NMNAT1: variants seen among roughly 807,000 people sequenced by gnomAD.
NMNAT1 encodes the protein nicotinamide/nicotinic acid mononucleotide adenylyltransferase 1.
In NMNAT1, 11 loss-of-function variants were observed where a neutral mutation model predicts 16.7. The ratio of observed to expected loss-of-function variants is 0.66; its 90% CI spans 0.41 to 1.09. The LOEUF is 1.09. NMNAT1 is among the 50% of genes least tolerant of loss of function. The pLI is 0.00. For synonymous variants in NMNAT1, 110 were observed against 119.8 expected (o/e 0.92, Z 0.53); for missense variants, 280 against 332.3 (o/e 0.84, Z 1.22).
chr1:9,977,649 C>T (rs1641844826), intron 3 of NMNAT1, among the ~76,000 whole-genome samples: 1 of 151,922 alleles, frequency 6.6e-6, no homozygotes, highest in Non-Finnish European at 1.5e-5. Flanking sequence ...GGCAGATCAC[C>T]TGAGTCCAGT....
intron 3 of NMNAT1, among the ~76,000 whole-genome samples, chr1:9,976,681 G>A (rs180764738): frequency 3.4e-4 from 51 of 152,030 alleles, no homozygotes; most frequent in Middle Eastern, 3.4e-3. Flanking sequence ...CTGGAGTGCA[G>A]TGGTGCATTC....
chr1:9,944,420 A>G (rs992831534), intron 1 of NMNAT1, among the ~76,000 whole-genome samples: 1 of 152,188 alleles, frequency 6.6e-6, no homozygotes, highest in Non-Finnish European at 1.5e-5. Context: ...AACTGGTTGG[A>G]ACTATTTAAT....
chr1:9,979,350 C>T (rs1267758014), intron 3 of NMNAT1, among the ~76,000 whole-genome samples: 2 of 152,026 alleles, frequency 1.3e-5, no homozygotes, highest in African/African-American at 4.8e-5. Context: ...CCTGTAGTCG[C>T]AGCTATCTGG....
intron 1 of NMNAT1, among the ~76,000 whole-genome samples, chr1:9,967,203 G>A (rs1338204459): frequency 6.6e-6 from 1 of 151,814 alleles, no homozygotes; most frequent in Non-Finnish European, 1.5e-5. Context: ...CAGCCTGGGT[G>A]ACAGAGTGAA....
downstream of NMNAT1, among the ~76,000 whole-genome samples, chr1:9,987,575 G>A (rs1322328125): frequency 1.3e-5 from 2 of 152,096 alleles, no homozygotes; most frequent in Non-Finnish European, 1.5e-5. Context: ...AGGAGGCAGA[G>A]CTTTCAGTGA....
At chr1:9,948,912 G>T (rs1194007473) in intron 1 of NMNAT1, among the ~76,000 whole-genome samples, 1 of 150,508 alleles carries the variant, frequency 6.6e-6, no homozygotes, top group Non-Finnish European at 1.5e-5. Context: ...CTCCCAAAAT[G>T]CTGGGATTAC....
rs764538949 is a variant in NMNAT1, at chr1:9,975,673, G to A, written c.197G>A (p.Arg66Gln). ...AAAGGACTCATTCCTGCCTATCACC[G>A]GGTCATCATGGCAGAACTTGCTACC... The part of the protein sequence containing the change: ...KKKGLIPAYH[R>Q]VIMAELATKN... The change falls in exon 3 of 5, where the codon CGG (arginine) becomes CAG (glutamine). Residue 66 changes from arginine (R) to glutamine (Q), a missense_variant. Physicochemically the swap from Arg to Gln is conservative, Grantham distance 43 (BLOSUM62 1). Transcript: ENST00000377205. 7 of 1,613,954 alleles carry A rather than the reference G, an allele frequency of 4.3e-6. No homozygotes were observed. The highest frequency in any genetic ancestry group is 2.2e-5 in the East Asian group (1 of 44,876).
At chr1:9,972,714 T>G (rs1641717188) in intron 2 of NMNAT1, among the ~76,000 whole-genome samples, 1 of 152,058 alleles carries the variant, frequency 6.6e-6, no homozygotes, top group South Asian at 2.1e-4. Context: ...TCCCAGTGCT[T>G]TGGGAGGCCG....
At chr1:9,970,933 C>T (rs1404197311) in intron 1 of NMNAT1, among the ~76,000 whole-genome samples, 1 of 152,100 alleles carries the variant, frequency 6.6e-6, no homozygotes, top group Non-Finnish European at 1.5e-5. Context: ...AATCACAAAA[C>T]TTGAGTGACA....
intron 1 of NMNAT1, among the ~76,000 whole-genome samples, chr1:9,962,913 C>T (rs565311133): frequency 2.6e-4 from 40 of 152,168 alleles, no homozygotes; most frequent in Non-Finnish European, 3.5e-4. Context: ...GATCTCCTGA[C>T]CTCGTGATCC....
intron 1 of NMNAT1, among the ~76,000 whole-genome samples, chr1:9,960,483 G>A (rs1313020008): frequency 3.3e-5 from 5 of 151,868 alleles, no homozygotes; most frequent in Admixed American, 1.3e-4. Flanking sequence ...GCAACACAGC[G>A]AGACCCCATC....
chr1:9,981,419 T>G, intron 4 of NMNAT1: 2 of 393,220 alleles, frequency 5.1e-6, no homozygotes, highest in South Asian at 2.6e-5. Flanking sequence ...GTATTTTTAG[T>G]AGAGACGGGG....
intron 1 of NMNAT1, among the ~76,000 whole-genome samples, chr1:9,954,929 CAA>C (rs70998330): frequency 1.6e-3 from 228 of 138,252 alleles, no homozygotes; most frequent in Non-Finnish European, 1.7e-3. Flanking sequence ...GACTCCATCT[CAA>C]AAAAAAAAAA....
At chr1:9,980,188 T>C (rs1641909889) in intron 3 of NMNAT1, among the ~76,000 whole-genome samples, 1 of 151,926 alleles carries the variant, frequency 6.6e-6, no homozygotes, top group South Asian at 2.1e-4. Context: ...CGCCTTGGCC[T>C]CCCAAAGTGC....
In NMNAT1 at chr1:9,982,777, A is replaced by G; in HGVS notation, c.*76A>G. The G allele has an allele frequency of 2.8e-6, 4 of 1,437,320 alleles. No individual in the cohort carries two copies. Among genetic ancestry groups the G allele is most frequent in the Non-Finnish European group, 3.8e-6 (4 of 1,064,864 alleles). 89.0% of individuals were successfully genotyped at this position (1,437,320 alleles called of 1,614,324 possible). ...TCTGGGAGTTAATAACTGGGGAAAG[A>G]AGTTGTGATCTGTTGCCTAAACTAA... On this transcript the variant is annotated 3_prime_UTR_variant, in exon 5 of 5. Transcript: ENST00000377205.
intron 2 of NMNAT1, among the ~76,000 whole-genome samples, chr1:9,974,239 A>AT (rs929714518): frequency 1.3e-5 from 2 of 150,906 alleles, no homozygotes; most frequent in African/African-American, 4.9e-5. Flanking sequence ...TTTTGTGGAA[A>AT]TGGTTCTCAC....
In NMNAT1 at chr1:9,975,785, G is replaced by C; in HGVS notation, c.299+10G>C. The C allele has an allele frequency of 1.9e-6, 3 of 1,601,474 alleles. No homozygotes were observed. The highest frequency in any genetic ancestry group is 2.6e-6 in the Non-Finnish European group (3 of 1,173,270). On this transcript the variant is annotated intron_variant, in intron 3 of 4. Transcript: ENST00000377205. ...CTCTGAAGGTGCTAAGGTATTTATG[G>C]TGTAATCAACTTTGTCAGTTCTGTG...
At chr1:9,990,187 G>A (rs547168573), downstream of NMNAT1, among the ~76,000 whole-genome samples, 1 of 152,320 alleles carries the variant, frequency 6.6e-6, no homozygotes, top group African/African-American at 2.4e-5. Context: ...TCTAAACACG[G>A]ACATCTATAC....
At chr1:9,944,682 A>C (rs1329161122) in intron 1 of NMNAT1, among the ~76,000 whole-genome samples, 6 of 152,174 alleles carry the variant, frequency 3.9e-5, no homozygotes, top group Non-Finnish European at 8.8e-5. Context: ...ACAGGCCTGG[A>C]GTCTGAAGTT....
Sources: gnomAD v4.1 joint callset for allele counts (sites outside exome capture counted in the v4.1 genomes callset) on GRCh38, gnomAD v4.1.1 for gene constraint, MANE v1.5 for transcripts, NCBI Gene and HGNC (gene_info 2026-07-23, HGNC 2026-07-21) for gene names.